GC: variants seen among roughly 807,000 people sequenced by gnomAD.
GC encodes GC vitamin D binding protein, also known as vitamin D-binding protein.
GC carries 43 observed loss-of-function variants against 56.7 expected under a neutral mutation model. The observed-to-expected ratio is 0.76, with a 90% CI of 0.59 to 0.98. GC has a LOEUF of 0.98. Among genes scored for constraint, GC ranks in the 50% least tolerant of loss-of-function variants. GC has a pLI of 0.00. For synonymous variants in GC, 216 were observed against 202.7 expected (o/e 1.07, Z -0.56); for missense variants, 529 against 545.9 (o/e 0.97, Z 0.31).
At chr4:71,745,322 T>C (rs1035204065) in intron 12 of GC, among the ~76,000 whole-genome samples, 1 of 152,212 alleles carries the variant, frequency 6.6e-6, no homozygotes, top group African/African-American at 2.4e-5. Context: ...GTTAATTTTC[T>C]TTTTTACAGC....
At position 71,756,757 on chromosome 4, in the gene GC, G is replaced by C; in HGVS notation, c.989C>G (p.Thr330Arg). Residue 330 changes from threonine to arginine, a missense_variant, in exon 8 of 13, where the codon ACA (threonine) becomes AGA (arginine). Physicochemically the swap from Thr to Arg is moderately conservative, Grantham distance 71 (BLOSUM62 -1). Coordinates refer to ENST00000273951, the MANE Select transcript of GC (RefSeq NM_000583.4). ...LPELPDVELP[T>R]NKDVCDPGNT... ...TCCTGGATCACACACATCTTTGTTTGTGGGCAACTCTACATCTGGAAGCTC... is the reference window on the plus strand; with the variant it reads ...TCCTGGATCACACACATCTTTGTTTCTGGGCAACTCTACATCTGGAAGCTC... 1.9e-6 allele frequency: 3 copies of C among 1,613,836 alleles called. No individual in the cohort carries two copies. Among genetic ancestry groups the C allele is most frequent in the Non-Finnish European group, 2.5e-6 (3 of 1,179,818 alleles).
intron 1 of GC, among the ~76,000 whole-genome samples, chr4:71,801,712 T>G (rs1043937657): frequency 6.6e-6 from 1 of 152,116 alleles, no homozygotes; most frequent in African/African-American, 2.4e-5. Flanking sequence ...ATATAAACTT[T>G]GCCTATAAAA....
intron 1 of GC, among the ~76,000 whole-genome samples, chr4:71,796,585 A>G (rs1043775158): frequency 1.3e-5 from 2 of 152,010 alleles, no homozygotes; most frequent in African/African-American, 4.8e-5. Context: ...CAAGGTTTTG[A>G]GCTTCCTTGT....
intron 1 of GC, among the ~76,000 whole-genome samples, chr4:71,778,653 C>G (rs761083399): frequency 8.6e-5 from 13 of 151,768 alleles, no homozygotes; most frequent in Non-Finnish European, 1.5e-4. Context: ...ACTTTAAAGA[C>G]AGACTTAAAG....
chr4:71,769,198 T>C (rs1742268609), intron 2 of GC, 133 bp downstream of exon 2: 1 of 634,972 alleles, frequency 1.6e-6, no homozygotes, highest in Non-Finnish European at 2.8e-6. Flanking sequence ...GTGCCTACCT[T>C]GGGCCTGGGG....
intron 6 of GC, among the ~76,000 whole-genome samples, chr4:71,762,768 G>A (rs992944129): frequency 1.3e-5 from 2 of 152,212 alleles, no homozygotes; most frequent in East Asian, 3.9e-4. Flanking sequence ...TTTGCCTGCT[G>A]CCATCCACGT....
rs1482434890 is a variant in GC, at chr4:71,752,577, A to G, written c.1336T>C (p.Ser446Pro). Residue 446 changes from serine (S) to proline (P), a missense_variant, in exon 11 of 13, where the codon TCA becomes CCA. Coordinates refer to ENST00000273951, the MANE Select transcript of GC (RefSeq NM_000583.4). ...TELAKLVNKHSDFASNCCSIN... is the reference protein window; with the variant it reads ...TELAKLVNKHPDFASNCCSIN... ...GAACAGCAGTTGGAGGCAAAGTCTGAGTGCTTGTTAACCAGCTTTGCCAGT... is the reference window on the plus strand; with the variant it reads ...GAACAGCAGTTGGAGGCAAAGTCTGGGTGCTTGTTAACCAGCTTTGCCAGT... The G allele has an allele frequency of 5.6e-6, 9 of 1,612,512 alleles. No homozygotes were observed. In the East Asian group the frequency reaches 1.1e-4, roughly 20 times the overall value.
At chr4:71,786,751 C>A (rs1168140951), upstream of GC, among the ~76,000 whole-genome samples, 8 of 151,846 alleles carry the variant, frequency 5.3e-5, no homozygotes, top group Admixed American at 5.3e-4. Context: ...ACACTGACAA[C>A]TGCTCTTTAT....
At chr4:71,743,332 C>T (rs759376245) in intron 12 of GC, among the ~76,000 whole-genome samples, 1 of 152,116 alleles carries the variant, frequency 6.6e-6, no homozygotes, top group Non-Finnish European at 1.5e-5. Flanking sequence ...CTGCTTCACT[C>T]TAAACAATGT....
At chr4:71,756,950 T>G in intron 7 of GC, 36 bp from the exon 8 acceptor site, 1 of 1,341,154 alleles carries the variant, frequency 7.5e-7, no homozygotes, top group Non-Finnish European at 1.1e-6. Flanking sequence ...CATTGTTAGT[T>G]TCCTGATAGT....
At chr4:71,804,264 G>C (rs895968407), upstream of GC, among the ~76,000 whole-genome samples, 4 of 152,162 alleles carry the variant, frequency 2.6e-5, no homozygotes, top group Admixed American at 6.5e-5. Flanking sequence ...TCAAATGTGT[G>C]AACAGCTGGA....
intron 3 of GC, among the ~76,000 whole-genome samples, chr4:71,767,808 C>T (rs191632154): frequency 1.1e-4 from 17 of 152,008 alleles, no homozygotes; most frequent in Non-Finnish European, 2.4e-4. Context: ...TTATCCCTCA[C>T]CCCCTTCACC....
At chr4:71,754,260 A>G in intron 10 of GC, 151 bp downstream of exon 10, 1 of 575,854 alleles carries the variant, frequency 1.7e-6, no homozygotes, top group Admixed American at 3.1e-5. Context: ...ACTCTATGAG[A>G]TTCTGACTAC....
intron 1 of GC, among the ~76,000 whole-genome samples, chr4:71,771,311 T>C (rs1478745552): frequency 2.6e-5 from 4 of 152,068 alleles, no homozygotes; most frequent in African/African-American, 4.8e-5. Flanking sequence ...TGGTGGTGAT[T>C]AGATACAGAC....
At position 71,756,898 on chromosome 4, in the gene GC, A is replaced by ACTGTGTGT; in HGVS notation, c.840_847dup (p.Val283AspfsTer4). On this transcript the variant is annotated frameshift_variant, in exon 8 of 13. Transcript: ENST00000273951. LOFTEE classifies it high-confidence loss of function. ...TGTGGATAAATTGTCACAGAGTTTT[A>ACTGTGTGT]CTGTGTGTTCAGGCAGCTACAAAAC... 1 of 1,611,850 alleles carries ACTGTGTGT rather than the reference A, an allele frequency of 6.2e-7. No individual in the cohort carries two copies. The highest frequency in any genetic ancestry group is 8.5e-7 in the Non-Finnish European group (1 of 1,177,918).
At chr4:71,769,666 A>G (rs1742283995) in intron 1 of GC, 1 of 344,686 alleles carries the variant, frequency 2.9e-6, no homozygotes, top group Non-Finnish European at 5.5e-6. Flanking sequence ...CAAATGATAC[A>G]TGTCAACTAG....
intron 1 of GC, among the ~76,000 whole-genome samples, chr4:71,780,317 G>T (rs1251185277): frequency 6.6e-6 from 1 of 152,070 alleles, no homozygotes; most frequent in African/African-American, 2.4e-5. Context: ...TCAGGACATA[G>T]GTGTGGACAA....
At chr4:71,772,903 C>T (rs1037441398) in intron 1 of GC, among the ~76,000 whole-genome samples, 4 of 152,030 alleles carry the variant, frequency 2.6e-5, no homozygotes, top group African/African-American at 7.2e-5. Context: ...ATCTAGCTTA[C>T]AAGACAAAGC....
chr4:71,785,117 T>C (rs1742802059), upstream of GC, among the ~76,000 whole-genome samples: 1 of 151,758 alleles, frequency 6.6e-6, no homozygotes, highest in African/African-American at 2.4e-5. Flanking sequence ...CCTCTAAGTT[T>C]CATTTTCCTC....
Sources: gnomAD v4.1 joint callset for allele counts (sites outside exome capture counted in the v4.1 genomes callset) on GRCh38, gnomAD v4.1.1 for gene constraint, MANE v1.5 for transcripts, NCBI Gene and HGNC (gene_info 2026-07-23, HGNC 2026-07-21) for gene names.